The following RIT2 variants were observed in gnomAD, a reference collection of about 807,000 sequenced individuals.
The protein encoded by RIT2 is Ras like without CAAX 2.
A neutral mutation model predicts 23.7 loss-of-function variants in RIT2; 24 were observed. That is an observed-to-expected ratio of 1.01 (90% CI 0.73 to 1.43). The LOEUF (loss-of-function observed/expected upper bound fraction) is 1.43. Ranked by LOEUF, RIT2 falls within the 40% of genes most tolerant of loss-of-function variation. The pLI is 0.00. For missense variants in RIT2, 236 were observed against 266.9 expected (o/e 0.88, Z 0.81); for synonymous variants, 107 against 91.1 (o/e 1.17, Z -0.99).
At chr18:42,884,822 A>G (rs1907979667) in intron 4 of RIT2, among the ~76,000 whole-genome samples, 1 of 152,224 alleles carries the variant, frequency 6.6e-6, no homozygotes, top group Non-Finnish European at 1.5e-5. Context: ...CAATTAGTGG[A>G]TATCACATAA....
Position 42,806,094 on chromosome 18 carries a change from A to G in RIT2, c.427-62374T>C, listed in dbSNP as rs1004227311. 1.4e-4 allele frequency among the ~76,000 whole-genome samples: 12 copies of G among 88,758 alleles called. No individual in the cohort carries two copies. In the East Asian group the frequency reaches 3.9e-3, roughly 29 times the overall value. 58.2% of individuals were successfully genotyped at this position (88,758 alleles called of 152,430 possible). On this transcript the variant is annotated intron_variant, in intron 4 of 4. Transcript: ENST00000326695. ...AGGTAATCAAAAGTGGAGATTTAAT[A>G]AAATTAATATATATATATATATATA...
intron 1 of RIT2, among the ~76,000 whole-genome samples, chr18:43,045,801 T>C (rs952393605): frequency 6.6e-6 from 1 of 152,092 alleles, no homozygotes; most frequent in Non-Finnish European, 1.5e-5. Flanking sequence ...ACTCTTTTCT[T>C]AAGACATCAT....
At chr18:42,887,555 A>AG (rs1908055762) in intron 4 of RIT2, among the ~76,000 whole-genome samples, 2 of 152,148 alleles carry the variant, frequency 1.3e-5, no homozygotes, top group African/African-American at 4.8e-5. Context: ...CTGGTGGAAG[A>AG]GGGGGGAGGA....
intron 4 of RIT2, among the ~76,000 whole-genome samples, chr18:42,804,118 G>A (rs773188016): frequency 6.6e-6 from 1 of 152,188 alleles, no homozygotes; most frequent in Non-Finnish European, 1.5e-5. Flanking sequence ...AACAAAAAAT[G>A]AGAATAAGTT....
At chr18:42,899,306 C>T (rs1481040621) in intron 4 of RIT2, among the ~76,000 whole-genome samples, 1 of 150,082 alleles carries the variant, frequency 6.7e-6, no homozygotes, top group Non-Finnish European at 1.5e-5. Context: ...AATCTAAATA[C>T]CTGAAGATAA....
At chr18:43,020,516 A>G (rs1334037553) in intron 2 of RIT2, among the ~76,000 whole-genome samples, 2 of 151,940 alleles carry the variant, frequency 1.3e-5, no homozygotes, top group Non-Finnish European at 2.9e-5. Flanking sequence ...AAAAAAATGC[A>G]TATGAAACCT....
At chr18:43,049,104 G>A (rs1450831588) in intron 1 of RIT2, among the ~76,000 whole-genome samples, 1 of 152,102 alleles carries the variant, frequency 6.6e-6, no homozygotes, top group Non-Finnish European at 1.5e-5. Flanking sequence ...CCAACTCTCT[G>A]GAGGAAAAGT....
In RIT2 at chr18:43,014,518, AT is replaced by A. The variant is rs1911426811; in HGVS notation, c.160+19292del. Among the ~76,000 whole-genome samples the A allele has an allele frequency of 2.0e-5, 3 of 151,730 alleles. No individual in the cohort carries two copies. The Admixed American group carries it at 2.0e-4, about 10-fold the overall frequency. On this transcript the variant is annotated intron_variant, in intron 2 of 4. Coordinates refer to ENST00000326695, the MANE Select transcript of RIT2 (RefSeq NM_002930.4). ...CATGTGAACATATGATCATATCTGAATTTTAAAAAGATCACTCTGGAGACTT... is the reference window on the plus strand; with the variant it reads ...CATGTGAACATATGATCATATCTGAATTTAAAAAGATCACTCTGGAGACTT...
chr18:42,867,885 G>A (rs1907515752), intron 4 of RIT2, among the ~76,000 whole-genome samples: 2 of 152,150 alleles, frequency 1.3e-5, no homozygotes, highest in Non-Finnish European at 2.9e-5. Flanking sequence ...TAAACCTCTG[G>A]AATCCCCAAT....
chr18:43,115,481 G>T lies in RIT2; in HGVS notation c.39C>A (p.Ser13Arg). Residue 13 changes from serine (S) to arginine (R), a missense_variant, in exon 1 of 5, where the codon AGC (serine) becomes AGA (arginine). Physicochemically the swap from Ser to Arg is moderately radical, Grantham distance 110. Coordinates refer to ENST00000326695, the MANE Select transcript of RIT2 (RefSeq NM_002930.4). ...TGTACTCTCTGGACCCGCCTGATGC[G>T]CTGCCCGGGGAGCAGCTGGCTTCAT... is the stretch of plus-strand genomic sequence containing the variant. Reference protein sequence around the residue: ...VENEASCSPGSASGGSREYKV... With the variant: ...VENEASCSPGRASGGSREYKV... The T allele has an allele frequency of 1.2e-6, 2 of 1,613,220 alleles. No individual in the cohort carries two copies. The highest frequency in any genetic ancestry group is 8.5e-7 in the Non-Finnish European group (1 of 1,179,630).
At chr18:42,846,503 T>C (rs1443178226) in intron 4 of RIT2, among the ~76,000 whole-genome samples, 1 of 151,904 alleles carries the variant, frequency 6.6e-6, no homozygotes, top group Non-Finnish European at 1.5e-5. Context: ...CAGTGGAAAA[T>C]TAGAGTCCAA....
At chr18:42,972,980 C>A (rs917378470) in intron 3 of RIT2, among the ~76,000 whole-genome samples, 1 of 151,686 alleles carries the variant, frequency 6.6e-6, no homozygotes, top group Non-Finnish European at 1.5e-5. Context: ...TCTTGATTTG[C>A]CTTAAATATT....
At chr18:43,088,444 G>A (rs750505836) in intron 1 of RIT2, among the ~76,000 whole-genome samples, 72 of 152,060 alleles carry the variant, frequency 4.7e-4, no homozygotes, top group Non-Finnish European at 2.9e-4. Flanking sequence ...GAATATAAGA[G>A]GCAGGCTTTT....
intron 1 of RIT2, among the ~76,000 whole-genome samples, chr18:43,038,839 A>G (rs1174000916): frequency 6.6e-6 from 1 of 150,798 alleles, no homozygotes; most frequent in Non-Finnish European, 1.5e-5. Context: ...GTTTCTATGC[A>G]TTACATATTC....
chr18:42,862,352 G>T (rs1472252491), intron 4 of RIT2, among the ~76,000 whole-genome samples: 1 of 152,060 alleles, frequency 6.6e-6, no homozygotes, highest in Non-Finnish European at 1.5e-5. Context: ...GGCCTCCCCA[G>T]CCATGTGGAC....
intron 3 of RIT2, among the ~76,000 whole-genome samples, chr18:42,968,913 G>A (rs1910299655): frequency 6.6e-6 from 1 of 152,056 alleles, no homozygotes; most frequent in Admixed American, 6.6e-5. Context: ...GTAAAAGGAG[G>A]GTAGCAATCT....
At chr18:43,084,872 A>G (rs963011462) in intron 1 of RIT2, among the ~76,000 whole-genome samples, 2 of 152,212 alleles carry the variant, frequency 1.3e-5, no homozygotes, top group South Asian at 4.1e-4. Context: ...CGTTCTGTAC[A>G]TATATCCCTT....
Position 42,875,000 on chromosome 18 carries a change from A to T in RIT2, c.426+48572T>A, listed in dbSNP as rs1196106893. Among the ~76,000 whole-genome samples, 4 of 152,126 alleles carry T rather than the reference A, an allele frequency of 2.6e-5. No individual in the cohort carries two copies. In the South Asian group the frequency reaches 6.2e-4, roughly 24 times the overall value. ...TTAAAGTTTATTTACATAGTTTAAA[A>T]CTAAGCATAGAGAAAAATTGAGAAC... is the stretch of plus-strand genomic sequence containing the variant. On this transcript the variant is annotated intron_variant, in intron 4 of 4. Coordinates refer to ENST00000326695, the MANE Select transcript of RIT2 (RefSeq NM_002930.4).
intron 4 of RIT2, among the ~76,000 whole-genome samples, chr18:42,758,487 C>CTT (rs5824453): frequency 0.66 from 97,682 of 147,062 alleles, 35,092 homozygotes; most frequent in Middle Eastern, 0.82. Flanking sequence ...CATTCTAATC[C>CTT]TTTTTTTTTT....
Sources: gnomAD v4.1 joint callset for allele counts (sites outside exome capture counted in the v4.1 genomes callset) on GRCh38, gnomAD v4.1.1 for gene constraint, MANE v1.5 for transcripts, NCBI Gene and HGNC (gene_info 2026-07-23, HGNC 2026-07-21) for gene names.